OR6B3: variants seen among roughly 807,000 people sequenced by gnomAD.
OR6B3 encodes the protein olfactory receptor family 6 subfamily B member 3.
For missense variants in OR6B3, 315 were observed against 427.4 expected (o/e 0.74, Z 2.32); for synonymous variants, 148 against 187.8 (o/e 0.79, Z 1.73).
chr2:240,045,808 G>A lies in OR6B3; in HGVS notation c.265C>T (p.Gln89Ter), dbSNP rs748797040. Reference sequence around the variant, plus strand: ...CACCCGACGAAAGAGATGCGTTTCTGCTGGAGGAGGAAGCCCTCCAGCATC... The same window carrying A: ...CACCCGACGAAAGAGATGCGTTTCTACTGGAGGAGGAAGCCCTCCAGCATC... The change falls in exon 2 of 2, where the codon CAG becomes TAG. Residue 89 changes from glutamine (Q) to a stop codon, truncating the protein, a stop_gained. Transcript: ENST00000641019. LOFTEE classifies it low-confidence loss of function (END_TRUNC). 1.9e-6 allele frequency: 3 copies of A among 1,589,280 alleles called. No individual in the cohort carries two copies. In the African/African-American group the frequency reaches 4.0e-5, roughly 21 times the overall value.
At chr2:240,052,392 A>G in the OR6B3 span, among the ~76,000 whole-genome samples, 2 of 152,064 alleles carry the variant, frequency 1.3e-5, no homozygotes, top group Non-Finnish European at 2.9e-5. The surrounding 1 kb of genome is among the most constrained non-coding windows in gnomAD (Gnocchi z 4.5). Flanking sequence ...GGATAGAAAA[A>G]CTACAATAAA....
At chr2:240,047,443 C>T (rs1299964941), upstream of OR6B3, among the ~76,000 whole-genome samples, 4 of 152,114 alleles carry the variant, frequency 2.6e-5, no homozygotes, top group African/African-American at 9.7e-5. Context: ...CAGCACTGAT[C>T]GTATGCCTCC....
chr2:240,053,051 C>T, the OR6B3 span, among the ~76,000 whole-genome samples: 2 of 152,168 alleles, frequency 1.3e-5, no homozygotes, highest in Admixed American at 6.5e-5. The surrounding 1 kb of genome is among the most constrained non-coding windows in gnomAD (Gnocchi z 4.1). Flanking sequence ...GATCCGCCCA[C>T]CTCAGCCTGC....
chr2:240,045,976 G>A (rs1038038787), exon 2 of OR6B3: 1 of 1,601,322 alleles, frequency 6.2e-7, no homozygotes, highest in African/African-American at 1.3e-5. Context: ...AGGTAGGTGA[G>A]CAGGAAGAGG....
chr2:240,048,283 C>A (rs985630338), upstream of OR6B3, among the ~76,000 whole-genome samples: 1 of 152,128 alleles, frequency 6.6e-6, no homozygotes, highest in African/African-American at 2.4e-5. Context: ...AAAGTGGAGT[C>A]CCTGGCCCTT....
chr2:240,047,797 G>A (rs1698212789), upstream of OR6B3, among the ~76,000 whole-genome samples: 1 of 152,180 alleles, frequency 6.6e-6, no homozygotes, highest in Non-Finnish European at 1.5e-5. Flanking sequence ...TGAGAATAAA[G>A]TGTATTGTGC....
chr2:240,045,876 A>T (rs1443684598), exon 2 of OR6B3: 3 of 1,611,698 alleles, frequency 1.9e-6, no homozygotes, highest in South Asian at 2.2e-5. Flanking sequence ...TAGGAAAGAC[A>T]TGGAGCTCAG....
chr2:240,052,544 T>C, the OR6B3 span, among the ~76,000 whole-genome samples: 14,528 of 152,220 alleles, frequency 0.095, 1,239 homozygotes, highest in African/African-American at 0.23. This position sits in a 1 kb window ranked among gnomAD's most constrained non-coding sequence, Gnocchi z 4.5. Flanking sequence ...AAAGCCTGGA[T>C]TGTGTTAAAC....
the OR6B3 span, among the ~76,000 whole-genome samples, chr2:240,052,477 G>T: frequency 0.046 from 7,026 of 152,270 alleles, 273 homozygotes; most frequent in South Asian, 0.14. The surrounding 1 kb of genome is among the most constrained non-coding windows in gnomAD (Gnocchi z 4.5). Flanking sequence ...ACAGCATAGA[G>T]AAAGTATAGA....
the OR6B3 span, among the ~76,000 whole-genome samples, chr2:240,053,286 A>C: frequency 2.6e-5 from 4 of 152,282 alleles, no homozygotes; most frequent in African/African-American, 9.6e-5. This position sits in a 1 kb window ranked among gnomAD's most constrained non-coding sequence, Gnocchi z 4.1. Flanking sequence ...GAAAATCAGA[A>C]CATTTCACAC....
chr2:240,045,325 C>T (rs751241607), exon 2 of OR6B3: 4 of 1,614,228 alleles, frequency 2.5e-6, no homozygotes, highest in African/African-American at 1.3e-5. Flanking sequence ...GTATAGAAGA[C>T]GGTGACCACG....
chr2:240,048,489 G>T (rs183043705), upstream of OR6B3, among the ~76,000 whole-genome samples: 1 of 152,146 alleles, frequency 6.6e-6, no homozygotes, highest in African/African-American at 2.4e-5. Flanking sequence ...AGGGCTGGTG[G>T]AAGCTCTCTA....
chr2:240,050,495 A>G (rs144232138), upstream of OR6B3, among the ~76,000 whole-genome samples: 1,043 of 152,274 alleles, frequency 6.8e-3, 8 homozygotes, highest in African/African-American at 0.024. Context: ...CGGGCAGATC[A>G]CCTGAGGTCA....
At chr2:240,052,371 G>A in the OR6B3 span, among the ~76,000 whole-genome samples, 9 of 151,900 alleles carry the variant, frequency 5.9e-5, no homozygotes, top group East Asian at 1.9e-4. This position sits in a 1 kb window ranked among gnomAD's most constrained non-coding sequence, Gnocchi z 4.5. Flanking sequence ...ATGAAGAGGC[G>A]TTTCTATTTT....
At chr2:240,046,053 G>T (rs772087271) in exon 2 of OR6B3, 2 of 1,613,434 alleles carry the variant, frequency 1.2e-6, no homozygotes, top group South Asian at 2.2e-5. Context: ...GCCGACCCTG[G>T]TGACATTCTC....
At chr2:240,045,976 G>C in exon 2 of OR6B3, 2 of 1,601,324 alleles carry the variant, frequency 1.2e-6, no homozygotes, top group South Asian at 1.1e-5. Flanking sequence ...AGGTAGGTGA[G>C]CAGGAAGAGG....
intron 1 of OR6B3, among the ~76,000 whole-genome samples, 167 bp from the exon 3 acceptor site, chr2:240,046,264 C>T (rs1042212683): frequency 3.3e-5 from 5 of 152,138 alleles, no homozygotes; most frequent in Non-Finnish European, 5.9e-5. Context: ...ATGTTAAGCA[C>T]TAACCTCTGA....
At chr2:240,053,319 T>C in the OR6B3 span, among the ~76,000 whole-genome samples, 1 of 152,232 alleles carries the variant, frequency 6.6e-6, no homozygotes, top group Non-Finnish European at 1.5e-5. This position sits in a 1 kb window ranked among gnomAD's most constrained non-coding sequence, Gnocchi z 4.1. Flanking sequence ...ATCTGGTTTC[T>C]TTTGAAAAGC....
At chr2:240,051,044 A>G (rs556883282), upstream of OR6B3, among the ~76,000 whole-genome samples, 1 of 152,328 alleles carries the variant, frequency 6.6e-6, no homozygotes, top group African/African-American at 2.4e-5. Context: ...TTTTTTATGA[A>G]TTAGAAAAAA....
Sources: allele counts gnomAD v4.1 joint callset (sites outside exome capture counted in the v4.1 genomes callset), GRCh38; gene constraint gnomAD v4.1.1; non-coding constraint Gnocchi (gnomAD v3.1); transcripts MANE v1.5; gene names NCBI Gene and HGNC (gene_info 2026-07-23, HGNC 2026-07-21).